Variants in CHRM2 observed in about 807,000 individuals in gnomAD.
CHRM2 encodes cholinergic receptor muscarinic 2.
CHRM2 carries 8 observed loss-of-function variants against 25.0 expected under a neutral mutation model. The ratio of observed to expected loss-of-function variants is 0.32; its 90% CI spans 0.19 to 0.58. The LOEUF is 0.58. Among genes scored for constraint, CHRM2 ranks in the 20% least tolerant of loss-of-function variants. CHRM2 has a pLI of 0.88. For synonymous variants in CHRM2, 202 were observed against 205.7 expected, an observed-to-expected ratio of 0.98 and a Z score of 0.15; for missense variants, 440 against 567.1, an observed-to-expected ratio of 0.78 and a Z score of 2.28.
intron 2 of CHRM2, among the ~76,000 whole-genome samples, chr7:136,990,405 T>C (rs772364712): frequency 4.6e-5 from 7 of 152,176 alleles, no homozygotes; most frequent in East Asian, 1.9e-4. Flanking sequence ...CTGCCCACCA[T>C]TGATCTTTTT....
At chr7:137,012,357 A>G (rs1804879794) in intron 3 of CHRM2, among the ~76,000 whole-genome samples, 1 of 152,064 alleles carries the variant, frequency 6.6e-6, no homozygotes, top group African/African-American at 2.4e-5. Context: ...TGTATGATTA[A>G]TTGCAAAAAA....
chr7:136,968,285 C>A (rs1801539726), intron 2 of CHRM2, among the ~76,000 whole-genome samples: 1 of 152,018 alleles, frequency 6.6e-6, no homozygotes, highest in African/African-American at 2.4e-5. Context: ...AAATGCTCGA[C>A]ATTCTTAATC....
At chr7:136,982,953 T>C (rs181726722) in intron 2 of CHRM2, among the ~76,000 whole-genome samples, 2 of 152,278 alleles carry the variant, frequency 1.3e-5, no homozygotes, top group Admixed American at 1.3e-4. Flanking sequence ...ATCTTTGTGG[T>C]ATTCTCTGTA....
chr7:136,992,590 G>A (rs535986605), intron 3 of CHRM2, among the ~76,000 whole-genome samples: 185 of 152,220 alleles, frequency 1.2e-3, no homozygotes, highest in African/African-American at 3.8e-3. Context: ...AATTTCCTGA[G>A]TTTTTTAAAT....
intron 3 of CHRM2, among the ~76,000 whole-genome samples, chr7:137,005,351 T>C (rs1804353117): frequency 6.6e-6 from 1 of 152,110 alleles, no homozygotes; most frequent in Admixed American, 6.6e-5. Context: ...AAATATATAT[T>C]CCTAAGTATA....
intron 3 of CHRM2, among the ~76,000 whole-genome samples, chr7:137,006,822 T>A (rs943212613): frequency 1.3e-5 from 2 of 152,082 alleles, no homozygotes; most frequent in Non-Finnish European, 2.9e-5. Context: ...TGTAATTTCC[T>A]AAAGATGGAC....
At chr7:136,959,547 A>G (rs1272655176) in intron 2 of CHRM2, among the ~76,000 whole-genome samples, 1 of 152,216 alleles carries the variant, frequency 6.6e-6, no homozygotes, top group Non-Finnish European at 1.5e-5. Flanking sequence ...TGAAGACAGA[A>G]ACCAAACTCT....
chr7:136,905,644 C>T (rs146408676), intron 2 of CHRM2, among the ~76,000 whole-genome samples: 139 of 151,678 alleles, frequency 9.2e-4, no homozygotes, highest in African/African-American at 3.3e-3. Flanking sequence ...TCAGATCAAT[C>T]CCCTTTAAGT....
chr7:136,915,858 A>ATTT (rs113903060), intron 2 of CHRM2, among the ~76,000 whole-genome samples: 198 of 141,892 alleles, frequency 1.4e-3, no homozygotes, highest in African/African-American at 4.8e-3. Context: ...GAAAAGAAAC[A>ATTT]TTTTTTTTTT....
At chr7:136,975,999 T>A (rs182147335) in intron 2 of CHRM2, among the ~76,000 whole-genome samples, 24 of 152,104 alleles carry the variant, frequency 1.6e-4, no homozygotes, top group Non-Finnish European at 2.6e-4. Context: ...GATAAGGTAT[T>A]ATGATTACAG....
At chr7:136,976,023 A>G (rs190841443) in intron 2 of CHRM2, among the ~76,000 whole-genome samples, 1 of 152,310 alleles carries the variant, frequency 6.6e-6, no homozygotes, top group Non-Finnish European at 1.5e-5. Context: ...CAGGAGAGGG[A>G]TACTTCCAAA....
At chr7:136,945,628 T>A (rs1282533485) in intron 2 of CHRM2, among the ~76,000 whole-genome samples, 1 of 152,154 alleles carries the variant, frequency 6.6e-6, no homozygotes. Context: ...TATAGCCTTG[T>A]AGTATAATTT....
intron 2 of CHRM2, among the ~76,000 whole-genome samples, chr7:136,909,501 A>C (rs1797726909): frequency 1.3e-5 from 2 of 151,940 alleles, no homozygotes; most frequent in South Asian, 4.1e-4. Context: ...TAAGGCAAAA[A>C]GAGTTCAGAT....
At chr7:136,952,110 G>A (rs1314066541) in intron 2 of CHRM2, among the ~76,000 whole-genome samples, 2 of 152,152 alleles carry the variant, frequency 1.3e-5, no homozygotes. Flanking sequence ...TTCGACAAGG[G>A]CAGAAGTAGA....
chr7:137,011,021 T>C (rs1350647865), intron 3 of CHRM2, among the ~76,000 whole-genome samples: 1 of 151,994 alleles, frequency 6.6e-6, no homozygotes, highest in Non-Finnish European at 1.5e-5. Flanking sequence ...TAACCACTTG[T>C]GCAACCTCAG....
chr7:136,966,418 A>G (rs1801419207), intron 2 of CHRM2, among the ~76,000 whole-genome samples: 1 of 151,910 alleles, frequency 6.6e-6, no homozygotes, highest in Non-Finnish European at 1.5e-5. Context: ...TTTAAGTTTT[A>G]TTGATTCATA....
rs148694948 is a variant in CHRM2 at position 136,975,682 on chromosome 7, A to G, written c.-124-16505A>G. ...GGACAGATATTTGCCACTTTATTAAAGAGTGCTATAAGATTTCCATTTATT... is the reference window on the plus strand; with the variant it reads ...GGACAGATATTTGCCACTTTATTAAGGAGTGCTATAAGATTTCCATTTATT... On this transcript the variant is annotated intron_variant, in intron 2 of 3. Transcript: ENST00000680005. Among the ~76,000 whole-genome samples, 87 of 152,370 alleles carry G rather than the reference A, an allele frequency of 5.7e-4. 1 individual carries two copies. Among genetic ancestry groups the G allele is most frequent in the African/African-American group, 2.0e-3 (83 of 41,598 alleles).
intron 2 of CHRM2, among the ~76,000 whole-genome samples, chr7:136,966,713 C>CTT (rs5887819): frequency 1.6e-3 from 236 of 145,866 alleles, no homozygotes; most frequent in African/African-American, 5.0e-3. Context: ...TATAACTTGC[C>CTT]TTTTTTTTTT....
chr7:136,943,070 GC>G (rs950667466), intron 2 of CHRM2, among the ~76,000 whole-genome samples: 2 of 152,090 alleles, frequency 1.3e-5, no homozygotes, highest in African/African-American at 4.8e-5. Context: ...CAGCCATTTA[GC>G]CTTTCTTTGG....
Sources: allele counts gnomAD v4.1 joint callset (sites outside exome capture counted in the v4.1 genomes callset), GRCh38; gene constraint gnomAD v4.1.1; transcripts MANE v1.5; gene names NCBI Gene and HGNC (gene_info 2026-07-23, HGNC 2026-07-21).